Variants in NOTCH3 observed in about 807,000 individuals in gnomAD.
NOTCH3 encodes the protein neurogenic locus notch homolog protein 3.
Under a neutral mutation model 213.3 loss-of-function variants are expected in NOTCH3, and 86 were observed. The observed-to-expected ratio is 0.40, with a 90% CI of 0.34 to 0.48. NOTCH3 has a LOEUF of 0.48. Ranked by LOEUF, NOTCH3 falls within the 20% of genes least tolerant of loss-of-function variation. NOTCH3 has a pLI of 0.57. For missense variants in NOTCH3, 2,783 were observed against 3,272.6 expected, an observed-to-expected ratio of 0.85 and a Z score of 3.65; for synonymous variants, 1,354 against 1,355.9, an observed-to-expected ratio of 1.00 and a Z score of 0.03.
At position 15,191,991 on chromosome 19, in the gene NOTCH3, G is replaced by A. The variant is rs368662463; in HGVS notation, c.648C>T (p.Gly216=). The A allele has an allele frequency of 1.3e-4, 213 of 1,613,244 alleles. No individual in the cohort carries two copies. The highest frequency in any genetic ancestry group is 5.3e-5 in the African/African-American group (4 of 74,928). Residue 216 remains glycine, a synonymous_variant, in exon 4 of 33, where the codon GGC becomes GGT. Transcript: ENST00000263388. The part of the protein sequence containing the change: ...CRNGGTCRQS[G]DLTYDCACLP... Reference sequence around the variant, plus strand: ...GACAGGCACAGTCGTAAGTGAGGTCGCCACTCTGCCTGCAGGTGCCCCCGT... The same window carrying A: ...GACAGGCACAGTCGTAAGTGAGGTCACCACTCTGCCTGCAGGTGCCCCCGT...
intron 29 of NOTCH3, 42 bp from the exon 30 acceptor site, chr19:15,166,133 G>C: frequency 2.6e-6 from 4 of 1,560,302 alleles, no homozygotes; most frequent in Non-Finnish European, 3.5e-6. Flanking sequence ...TAAACACAGG[G>C]CCTTTTCCAG....
At chr19:15,164,655 CTACTA>C (rs1232733431) in intron 31 of NOTCH3, among the ~76,000 whole-genome samples, 1 of 152,038 alleles carries the variant, frequency 6.6e-6, no homozygotes, top group Non-Finnish European at 1.5e-5. Context: ...TGGCCAGTGG[CTACTA>C]TACTGGACAG....
At chr19:15,178,531 G>A in intron 23 of NOTCH3, 2 of 482,306 alleles carry the variant, frequency 4.1e-6, no homozygotes, top group Non-Finnish European at 7.6e-6. Flanking sequence ...ATTACAGGCA[G>A]CTGCCACTAC....
intron 1 of NOTCH3, among the ~76,000 whole-genome samples, chr19:15,200,472 G>T (rs1400933777): frequency 6.6e-6 from 1 of 151,848 alleles, no homozygotes; most frequent in Non-Finnish European, 1.5e-5. Context: ...AGTTGGATGG[G>T]GACGAGTCCC....
chr19:15,198,867 C>T (rs530787355), intron 1 of NOTCH3, among the ~76,000 whole-genome samples: 15 of 151,610 alleles, frequency 9.9e-5, no homozygotes, highest in African/African-American at 2.7e-4. Flanking sequence ...CCCGAGATTG[C>T]GCCACTGCAT....
At chr19:15,161,748 C>G (rs1361123193) in intron 32 of NOTCH3, 34 bp from the exon 33 acceptor site, 1 of 1,595,562 alleles carries the variant, frequency 6.3e-7, no homozygotes, top group Non-Finnish European at 8.6e-7. Context: ...GTCAGCGAAA[C>G]CCCAGCTAAC....
In NOTCH3 at chr19:15,173,724, C is replaced by CA. The variant is rs1212635746; in HGVS notation, c.4736+343dup. Reference sequence around the variant, plus strand: ...AGCCTGGGCGACAGAGACTCCGTCTCAAAAAAAAAAAAAAAAAGAAAAGAA... The same window carrying CA: ...AGCCTGGGCGACAGAGACTCCGTCTCAAAAAAAAAAAAAAAAAAGAAAAGAA... On this transcript the variant is annotated intron_variant, in intron 25 of 32. Coordinates refer to ENST00000263388, the MANE Select transcript of NOTCH3 (RefSeq NM_000435.3). Among the ~76,000 whole-genome samples the CA allele has an allele frequency of 2.4e-3, 318 of 131,324 alleles. 1 individual carries two copies. The highest frequency in any genetic ancestry group is 6.2e-3 in the Admixed American group (80 of 12,906). 86.2% of individuals were successfully genotyped at this position (131,324 alleles called of 152,430 possible).
At chr19:15,193,702 C>T (rs1236998223) in intron 2 of NOTCH3, among the ~76,000 whole-genome samples, 7 of 139,950 alleles carry the variant, frequency 5.0e-5, no homozygotes, top group African/African-American at 1.3e-4. Context: ...ACCCAGGAGG[C>T]GGAGGTTGCA....
rs2046803350 is a variant in NOTCH3, at chr19:15,177,697, C to A, written c.4231G>T (p.Gly1411Cys). The change falls in exon 24 of 33, where the codon GGC (glycine) becomes TGC (cysteine). Residue 1411 changes from glycine to cysteine, a missense_variant. Gly to Cys is a radical substitution (Grantham distance 159). Around this residue, in one of 6 missense-constraint regions of NOTCH3, gnomAD observed 133 missense variants for 201.9 expected, o/e 0.66. Coordinates refer to ENST00000263388, the MANE Select transcript of NOTCH3 (RefSeq NM_000435.3). ...CDRECNSPGC[G>C]WDGGDCSLSV... ...AGCGAGCAGTCGCCGCCGTCCCAGC[C>A]GCAGCCTGGGCTGTTGCACTCGCGG... 1 of 1,540,090 alleles carries A rather than the reference C, an allele frequency of 6.5e-7. No homozygotes were observed. Among genetic ancestry groups the A allele is most frequent in the Non-Finnish European group, 8.7e-7 (1 of 1,150,338 alleles).
rs755391050 is a variant in NOTCH3 at position 15,170,129 on chromosome 19, G to C, written c.5156C>G (p.Thr1719Arg). The change falls in exon 28 of 33, where the codon ACA becomes AGA. Residue 1719 changes from threonine to arginine, a missense_variant. Thr to Arg is a moderately conservative substitution (Grantham distance 71). This residue lies in a region of NOTCH3 where 636 missense variants were observed against 801.8 expected (regional missense o/e 0.79). Transcript: ENST00000263388. ...KGESLMGEVA[T>R]DWMDTECPEA... The stretch of plus-strand genomic sequence containing the variant: ...TGGGCACTCTGTGTCCATCCAGTCT[G>C]TGGCCACCTCCCCCATCAGGCTCTC... The C allele has an allele frequency of 1.9e-6, 3 of 1,604,748 alleles. No individual in the cohort carries two copies. The African/African-American group carries it at 4.0e-5, about 21-fold the overall frequency.
At chr19:15,175,141 T>C (rs1024583857) in intron 24 of NOTCH3, among the ~76,000 whole-genome samples, 4 of 152,236 alleles carry the variant, frequency 2.6e-5, no homozygotes, top group African/African-American at 9.6e-5. Context: ...CCGGCCACAA[T>C]TCCTGGTCCA....
In NOTCH3 at chr19:15,165,530, G is replaced by A. The variant is rs769933605; in HGVS notation, c.5668-15C>T. 1.2e-6 allele frequency: 2 copies of A among 1,609,872 alleles called. No individual in the cohort carries two copies. The highest frequency in any genetic ancestry group is 4.5e-5 in the East Asian group (2 of 44,880). On this transcript the variant is annotated splice_polypyrimidine_tract_variant and intron_variant, in intron 30 of 32. Transcript: ENST00000263388. The surrounding 1 kb of genome is among the most constrained non-coding windows in gnomAD (Gnocchi z 4.7). Reference sequence around the variant, plus strand: ...CGGATGAGAATCTAGGACAGAGAGTGGATGCAGCAGGAGGGGTCATGGCAG... The same window carrying A: ...CGGATGAGAATCTAGGACAGAGAGTAGATGCAGCAGGAGGGGTCATGGCAG...
chr19:15,185,754 C>A lies in NOTCH3; in HGVS notation c.1952-75G>T. 7.1e-7 allele frequency: 1 copy of A among 1,417,342 alleles called. No individual in the cohort carries two copies. The highest frequency in any genetic ancestry group is 1.2e-5 in the South Asian group (1 of 86,624). The allele number at this position is 1,417,342 out of a possible 1,614,324, so 87.8% of individuals were successfully genotyped here. On this transcript the variant is annotated intron_variant, in intron 12 of 32. Transcript: ENST00000263388. This position sits in a 1 kb window ranked among gnomAD's most constrained non-coding sequence, Gnocchi z 4.2. ...ACCAGGGAGGGACGACGTGACCCCA[C>A]TTAGCACACCCACACCCCCGAGCAA...
At position 15,188,219 on chromosome 19, in the gene NOTCH3, C is replaced by G. The variant is rs369126189; in HGVS notation, c.1492+16G>C. Reference sequence around the variant, plus strand: ...CCAGACATGTCTTTTCGGGCTCCCTCTCCTGAGGTCCTCACCCGAGGGGCA... The same window carrying G: ...CCAGACATGTCTTTTCGGGCTCCCTGTCCTGAGGTCCTCACCCGAGGGGCA... On this transcript the variant is annotated intron_variant, in intron 9 of 32. Coordinates refer to ENST00000263388, the MANE Select transcript of NOTCH3 (RefSeq NM_000435.3). The G allele has an allele frequency of 6.4e-6, 10 of 1,568,002 alleles. No individual in the cohort carries two copies. In the African/African-American group the frequency reaches 1.3e-4, roughly 21 times the overall value.
Position 15,160,290 on chromosome 19 carries a change from G to C in NOTCH3, c.*372C>G, listed in dbSNP as rs1180854027. ...ATAATAAGTTTGTTTAAATGAATTT[G>C]TTTCTATACAAAATGTAAAAAAAAA... On this transcript the variant is annotated 3_prime_UTR_variant, in exon 33 of 33. Coordinates refer to ENST00000263388, the MANE Select transcript of NOTCH3 (RefSeq NM_000435.3). 1 of 246,032 alleles carries C rather than the reference G, an allele frequency of 4.1e-6. No individual in the cohort carries two copies. Among genetic ancestry groups the C allele is most frequent in the Non-Finnish European group, 7.8e-6 (1 of 127,870 alleles). The allele number at this position is 246,032 out of a possible 1,614,324, so 15.2% of individuals were successfully genotyped here.
rs2046631550 is a variant in NOTCH3 at position 15,160,595 on chromosome 19, CAG to C, written c.*65_*66del. The C allele has an allele frequency of 6.7e-6, 8 of 1,196,728 alleles. No homozygotes were observed. The highest frequency in any genetic ancestry group is 1.0e-5 in the Non-Finnish European group (8 of 799,098). 74.1% of individuals were successfully genotyped at this position (1,196,728 alleles called of 1,614,324 possible). A position where few individuals can be genotyped will look rare whatever the true frequency, so the allele number is the denominator to read the frequency against. On this transcript the variant is annotated 3_prime_UTR_variant, in exon 33 of 33. Coordinates refer to ENST00000263388, the MANE Select transcript of NOTCH3 (RefSeq NM_000435.3). ...AAAAAGACTAAAAGGAAGGAAGAGA[CAG>C]AGAAAGAAAGGAGGCAGGACGGGGG...
At position 15,167,368 on chromosome 19, in the gene NOTCH3, C is replaced by G. The variant is rs769483312; in HGVS notation, c.5243G>C (p.Arg1748Pro). Residue 1748 changes from arginine (R) to proline (P), a missense_variant, in exon 29 of 33, where the codon CGT (arginine) becomes CCT (proline). Transcript: ENST00000263388. ...GMGAEEAVDCRQWTQHHLVAA... is the reference protein window; with the variant it reads ...GMGAEEAVDCPQWTQHHLVAA... Reference sequence around the variant, plus strand: ...AACCAGATGGTGTTGAGTCCACTGACGGCAATCCACAGCCTCCTCAGCCCC... The same window carrying G: ...AACCAGATGGTGTTGAGTCCACTGAGGGCAATCCACAGCCTCCTCAGCCCC... 2 of 1,610,826 alleles carry G rather than the reference C, an allele frequency of 1.2e-6. No individual in the cohort carries two copies. Among genetic ancestry groups the G allele is most frequent in the Admixed American group, 1.7e-5 (1 of 60,000 alleles).
At position 15,179,369 on chromosome 19, in the gene NOTCH3, G is replaced by A. The variant is rs371437217; in HGVS notation, c.3455C>T (p.Thr1152Met). ...ARYLCSCPPG[T>M]LGVLCEINED... ...CAACCCTGGCCCTGGCATACCCAGCGTTCCTGGGGGACAGGAGCAGAGATA... is the reference window on the plus strand; with the variant it reads ...CAACCCTGGCCCTGGCATACCCAGCATTCCTGGGGGACAGGAGCAGAGATA... The change falls in exon 21 of 33, where the codon ACG (threonine) becomes ATG (methionine). Residue 1152 changes from threonine to methionine, a missense_variant. By Grantham distance (81) the Thr-to-Met change is moderately conservative. Around this residue, in one of 6 missense-constraint regions of NOTCH3, gnomAD observed 861 missense variants for 909.1 expected, o/e 0.95. Coordinates refer to ENST00000263388, the MANE Select transcript of NOTCH3 (RefSeq NM_000435.3). The A allele has an allele frequency of 2.1e-5, 34 of 1,613,926 alleles. No homozygotes were observed. In the East Asian group the frequency reaches 5.1e-4, roughly 24 times the overall value.
At chr19:15,175,776 C>G (rs1185631815) in intron 24 of NOTCH3, among the ~76,000 whole-genome samples, 1 of 151,076 alleles carries the variant, frequency 6.6e-6, no homozygotes, top group Non-Finnish European at 1.5e-5. Context: ...AAGGGAACAG[C>G]CAGGCAGTAG....
Sources: gnomAD v4.1 joint callset for allele counts (sites outside exome capture counted in the v4.1 genomes callset) on GRCh38, gnomAD v4.1.1 for gene constraint, gnomAD v4.1.1 regional missense constraint, Gnocchi (gnomAD v3.1) non-coding constraint, MANE v1.5 for transcripts, NCBI Gene and HGNC (gene_info 2026-07-23, HGNC 2026-07-21) for gene names.